SMYD3: variants seen among roughly 807,000 people sequenced by gnomAD.
SMYD3 encodes the protein SET and MYND domain containing 3, also known as histone-lysine N-methyltransferase SMYD3.
SMYD3 carries 36 observed loss-of-function variants against 57.7 expected under a neutral mutation model. The observed-to-expected ratio is 0.62, with a 90% CI of 0.48 to 0.82. The LOEUF (loss-of-function observed/expected upper bound fraction) is 0.82. Ranked by LOEUF, SMYD3 falls within the 40% of genes least tolerant of loss-of-function variation. The probability of loss-of-function intolerance (pLI) is 0.00; values close to 1 mark genes in which losing one functional copy is unlikely to be tolerated. For missense variants in SMYD3, 515 were observed against 538.8 expected, an observed-to-expected ratio of 0.96 and a Z score of 0.44; for synonymous variants, 211 against 195.0, an observed-to-expected ratio of 1.08 and a Z score of -0.68.
At chr1:245,971,406 G>T (rs1031833445) in intron 5 of SMYD3, among the ~76,000 whole-genome samples, 2 of 151,564 alleles carry the variant, frequency 1.3e-5, no homozygotes, top group Admixed American at 1.3e-4. Flanking sequence ...TAACAAAGCT[G>T]CACTGTTCTG....
chr1:245,817,488 A>G lies in SMYD3; in HGVS notation c.1076+41008T>C, dbSNP rs985542053. ...AACTGGAAACTCTAAAAAGCAGAGCACCTCTCCTCCTCCAAAGGAACGCAG... is the reference window on the plus strand; with the variant it reads ...AACTGGAAACTCTAAAAAGCAGAGCGCCTCTCCTCCTCCAAAGGAACGCAG... On this transcript the variant is annotated intron_variant, in intron 10 of 11. Coordinates refer to ENST00000490107, the MANE Select transcript of SMYD3 (RefSeq NM_001167740.2). Among the ~76,000 whole-genome samples, 575 of 151,464 alleles carry G rather than the reference A, an allele frequency of 3.8e-3. 4 individuals are homozygous for G. The highest frequency in any genetic ancestry group is 0.015 in the East Asian group (78 of 5,100).
chr1:245,762,630 G>A (rs1402031088), intron 11 of SMYD3, among the ~76,000 whole-genome samples: 1 of 152,192 alleles, frequency 6.6e-6, no homozygotes, highest in Non-Finnish European at 1.5e-5. Flanking sequence ...TGCCCTCAGG[G>A]AATCCTAGTG....
chr1:246,328,778 G>A (rs977750551), intron 4 of SMYD3, among the ~76,000 whole-genome samples: 2 of 151,850 alleles, frequency 1.3e-5, no homozygotes, highest in Non-Finnish European at 2.9e-5. Context: ...CCATGCTGGT[G>A]TGCTGCACCC....
At chr1:246,384,971 A>G (rs2066450975) in intron 1 of SMYD3, among the ~76,000 whole-genome samples, 1 of 152,216 alleles carries the variant, frequency 6.6e-6, no homozygotes, top group South Asian at 2.1e-4. Context: ...AGTGATAAAT[A>G]CCTGACCAAA....
intron 1 of SMYD3, among the ~76,000 whole-genome samples, chr1:246,408,110 T>G (rs2102980036): frequency 6.6e-6 from 1 of 151,952 alleles, no homozygotes; most frequent in South Asian, 2.1e-4. Flanking sequence ...CTGAGCTAAT[T>G]ACCTCCCCGA....
At chr1:245,944,342 A>T (rs1373865301) in intron 5 of SMYD3, among the ~76,000 whole-genome samples, 1 of 152,192 alleles carries the variant, frequency 6.6e-6, no homozygotes, top group Non-Finnish European at 1.5e-5. Flanking sequence ...GCATTCCTAT[A>T]CACCAACAGA....
intron 1 of SMYD3, among the ~76,000 whole-genome samples, chr1:246,455,857 T>C (rs1166884200): frequency 6.6e-6 from 1 of 152,192 alleles, no homozygotes; most frequent in East Asian, 1.9e-4. Context: ...CTGATATGAA[T>C]TAAAGGTCAT....
chr1:246,445,988 A>C (rs1280151076), intron 1 of SMYD3, among the ~76,000 whole-genome samples: 1 of 152,248 alleles, frequency 6.6e-6, no homozygotes, highest in Admixed American at 6.5e-5. Context: ...CCACACACCA[A>C]GTTCATGCAA....
chr1:246,227,412 G>A (rs542392003), intron 5 of SMYD3, among the ~76,000 whole-genome samples: 3 of 152,280 alleles, frequency 2.0e-5, no homozygotes, highest in East Asian at 3.9e-4. Flanking sequence ...TCAAGAGATC[G>A]AGACCATCCT....
At chr1:246,295,078 T>A (rs1572348265) in intron 5 of SMYD3, among the ~76,000 whole-genome samples, 1 of 152,266 alleles carries the variant, frequency 6.6e-6, no homozygotes, top group Non-Finnish European at 1.5e-5. Flanking sequence ...TACTCCTTTG[T>A]TAAAACAAGC....
intron 1 of SMYD3, among the ~76,000 whole-genome samples, chr1:246,496,904 G>A (rs569451576): frequency 2.0e-5 from 3 of 152,164 alleles, no homozygotes; most frequent in South Asian, 2.1e-4. Flanking sequence ...TGAATAGGCC[G>A]TGTATAAAAC....
chr1:245,837,261 G>A (rs2050150122), intron 10 of SMYD3, among the ~76,000 whole-genome samples: 1 of 151,404 alleles, frequency 6.6e-6, no homozygotes, highest in African/African-American at 2.4e-5. Context: ...AGAAGAAGAA[G>A]AAGAAGGAGA....
At chr1:245,784,191 C>T (rs1427073801) in intron 10 of SMYD3, among the ~76,000 whole-genome samples, 1 of 152,198 alleles carries the variant, frequency 6.6e-6, no homozygotes, top group African/African-American at 2.4e-5. Context: ...CATGCTAATT[C>T]TGCGATGTTC....
At chr1:246,190,404 G>A (rs2062714432) in intron 5 of SMYD3, among the ~76,000 whole-genome samples, 1 of 152,010 alleles carries the variant, frequency 6.6e-6, no homozygotes, top group African/African-American at 2.4e-5. Context: ...GGCCAATATG[G>A]TGAAACCCCG....
intron 5 of SMYD3, among the ~76,000 whole-genome samples, chr1:246,009,660 T>A (rs987729950): frequency 2.0e-5 from 3 of 151,898 alleles, no homozygotes; most frequent in African/African-American, 7.3e-5. Context: ...AAGGCAAGTC[T>A]CTCCAATCAG....
chr1:246,417,654 C>T (rs1183838830), intron 1 of SMYD3, among the ~76,000 whole-genome samples: 1 of 152,084 alleles, frequency 6.6e-6, no homozygotes, highest in Admixed American at 6.6e-5. Context: ...CTCAAAAACC[C>T]ATCTTAGGGT....
intron 6 of SMYD3, 51 bp from the exon 7 acceptor site, chr1:245,928,084 C>A: frequency 6.8e-7 from 1 of 1,471,828 alleles, no homozygotes; most frequent in Non-Finnish European, 9.4e-7. Flanking sequence ...GTAGAGTCAA[C>A]TAAATTTAAC....
In SMYD3 at chr1:246,054,282, T is replaced by C. The variant is rs79363084; in HGVS notation, c.532-124345A>G. ...GACTGACACTACCAGGTCTTGGTGATGATGCAGAGCAACTGGAACTCTCAT... is the reference window on the plus strand; with the variant it reads ...GACTGACACTACCAGGTCTTGGTGACGATGCAGAGCAACTGGAACTCTCAT... On this transcript the variant is annotated intron_variant, in intron 5 of 11. Transcript: ENST00000490107. 1.5e-3 allele frequency among the ~76,000 whole-genome samples: 231 copies of C among 152,282 alleles called. 1 individual carries two copies. Among genetic ancestry groups the C allele is most frequent in the African/African-American group, 4.7e-3 (196 of 41,558 alleles).
intron 1 of SMYD3, among the ~76,000 whole-genome samples, chr1:246,482,153 G>A (rs1427854871): frequency 6.6e-6 from 1 of 151,982 alleles, no homozygotes; most frequent in Non-Finnish European, 1.5e-5. Context: ...GCGAGACCCT[G>A]TCTCAGAAGC....
Sources: allele counts gnomAD v4.1 joint callset (sites outside exome capture counted in the v4.1 genomes callset), GRCh38; gene constraint gnomAD v4.1.1; transcripts MANE v1.5; gene names NCBI Gene and HGNC (gene_info 2026-07-23, HGNC 2026-07-21).